The following MAPRE2 variants were observed in gnomAD, a reference collection of about 807,000 sequenced individuals.
MAPRE2 encodes the protein microtubule-associated protein RP/EB family member 2.
MAPRE2 carries 13 observed loss-of-function variants against 43.2 expected under a neutral mutation model. That is an observed-to-expected ratio of 0.30 (90% confidence interval 0.20 to 0.48). MAPRE2 has a LOEUF of 0.48. Ranked by LOEUF, MAPRE2 falls within the 20% of genes least tolerant of loss-of-function variation. The pLI, the probability that MAPRE2 is intolerant of heterozygous loss-of-function variation, is 0.99. For missense variants in MAPRE2, 161 were observed against 400.2 expected (o/e 0.40, Z 5.10); for synonymous variants, 135 against 148.8 (o/e 0.91, Z 0.68).
intron 2 of MAPRE2, among the ~76,000 whole-genome samples, chr18:35,019,572 T>G (rs1442150307): frequency 6.6e-6 from 1 of 152,054 alleles, no homozygotes; most frequent in African/African-American, 2.4e-5. Flanking sequence ...TTTTATTTTC[T>G]TCTTCTTTAC....
At chr18:35,118,584 C>T (rs1264876631) in intron 4 of MAPRE2, among the ~76,000 whole-genome samples, 1 of 152,204 alleles carries the variant, frequency 6.6e-6, no homozygotes, top group East Asian at 1.9e-4. Flanking sequence ...AAAATTACTG[C>T]AGTAGCCACC....
At position 34,985,362 on chromosome 18, in the gene MAPRE2, A is replaced by G. The variant is rs1568961728; in HGVS notation, c.-70+8283A>G. 1.7e-3 allele frequency among the ~76,000 whole-genome samples: 68 copies of G among 41,020 alleles called. 1 individual carries two copies. Among genetic ancestry groups the G allele is most frequent in the African/African-American group, 6.9e-3 (66 of 9,506 alleles). 26.9% of individuals were successfully genotyped at this position (41,020 alleles called of 152,430 possible). ...TAATATATTATATTATATATATAAT[A>G]TAATATATAATATATTATTTTATAT... is the stretch of plus-strand genomic sequence containing the variant. On this transcript the variant is annotated intron_variant, in intron 1 of 7. Transcript: ENST00000413393.
At chr18:35,015,103 T>G (rs2150584711) in intron 2 of MAPRE2, among the ~76,000 whole-genome samples, 1 of 152,246 alleles carries the variant, frequency 6.6e-6, no homozygotes, top group South Asian at 2.1e-4. Flanking sequence ...ACAAGAAATG[T>G]GTTTCCTCTA....
chr18:35,065,579 G>T (rs1023085169), intron 1 of MAPRE2, among the ~76,000 whole-genome samples: 7 of 150,580 alleles, frequency 4.6e-5, no homozygotes, highest in South Asian at 2.1e-4. Flanking sequence ...TTTTTGAGAC[G>T]GAGTTTCACT....
chr18:34,985,736 T>TATATTACATATGTAATATATAAA (rs2097020611), intron 1 of MAPRE2, among the ~76,000 whole-genome samples: 3 of 92,072 alleles, frequency 3.3e-5, no homozygotes, highest in Non-Finnish European at 7.3e-5. Flanking sequence ...AATATATAAA[T>TATATTACATATGTAATATATAAA]ATATATTATA....
intron 2 of MAPRE2, among the ~76,000 whole-genome samples, chr18:35,090,731 CA>C (rs56812109): frequency 0.85 from 94,008 of 110,290 alleles, 39,504 homozygotes; most frequent in East Asian, 0.96. Context: ...GATTCGGTCT[CA>C]AAAAAAAAAA....
chr18:35,036,996 G>A (rs954484466), upstream of MAPRE2, among the ~76,000 whole-genome samples: 11 of 152,178 alleles, frequency 7.2e-5, no homozygotes, highest in South Asian at 4.2e-4. Context: ...TGTACTTTTC[G>A]GACCTACTTC....
At chr18:34,994,454 G>A (rs941446164) in intron 1 of MAPRE2, among the ~76,000 whole-genome samples, 1 of 151,364 alleles carries the variant, frequency 6.6e-6, no homozygotes, top group Non-Finnish European at 1.5e-5. Flanking sequence ...GGTCAAACTG[G>A]GGCTGCCAAG....
At position 35,070,804 on chromosome 18, in the gene MAPRE2, T is replaced by G. The variant is rs973544750; in HGVS notation, c.250+482T>G. Among the ~76,000 whole-genome samples, 5 of 152,112 alleles carry G rather than the reference T, an allele frequency of 3.3e-5. No homozygotes were observed. In the East Asian group the frequency reaches 9.6e-4, roughly 29 times the overall value. ...ATACCTCAGACCCACAATATAATCT[T>G]TGTTCCCTAAAGACTCTTTCCCTTT... On this transcript the variant is annotated intron_variant, in intron 2 of 6. Transcript: ENST00000300249.
At chr18:35,087,582 A>G (rs901972176) in intron 2 of MAPRE2, among the ~76,000 whole-genome samples, 2 of 152,202 alleles carry the variant, frequency 1.3e-5, no homozygotes, top group Admixed American at 6.5e-5. Context: ...GTTTGGCAAC[A>G]TAAGAATTTT....
chr18:35,076,769 G>A (rs752302488), intron 2 of MAPRE2, among the ~76,000 whole-genome samples: 11 of 152,164 alleles, frequency 7.2e-5, no homozygotes, highest in East Asian at 3.9e-4. Flanking sequence ...CTAGGCATGC[G>A]TGTGGGATAT....
At chr18:35,133,038 G>A (rs772109290) in intron 6 of MAPRE2, among the ~76,000 whole-genome samples, 10 of 152,130 alleles carry the variant, frequency 6.6e-5, no homozygotes, top group Non-Finnish European at 5.9e-5. Flanking sequence ...GAAGTGTCCC[G>A]GTCTCTGGGT....
chr18:35,143,460 A>G lies in MAPRE2; in HGVS notation c.*3091A>G, dbSNP rs1224535401. 3.0e-4 allele frequency: 45 copies of G among 152,122 alleles called. No homozygotes were observed. The allele number at this position is 152,122 out of a possible 1,614,324, so 9.4% of individuals were successfully genotyped here. A position where few individuals can be genotyped will look rare whatever the true frequency, so the allele number is the denominator to read the frequency against. On this transcript the variant is annotated 3_prime_UTR_variant, in exon 7 of 7. Coordinates refer to ENST00000300249, the MANE Select transcript of MAPRE2 (RefSeq NM_014268.4). Reference sequence around the variant, plus strand: ...TTACATATTTAATAAAAAAAAAAGTATATGTTAAAATCTGCCTGGAGTTAC... The same window carrying G: ...TTACATATTTAATAAAAAAAAAAGTGTATGTTAAAATCTGCCTGGAGTTAC...
At position 35,132,104 on chromosome 18, in the gene MAPRE2, A is replaced by G. The variant is rs781424078; in HGVS notation, c.823A>G (p.Ile275Val). 3 of 1,614,200 alleles carry G rather than the reference A, an allele frequency of 1.9e-6. No individual in the cohort carries two copies. Among genetic ancestry groups the G allele is most frequent in the Non-Finnish European group, 2.5e-6 (3 of 1,180,030 alleles). Residue 275 changes from isoleucine to valine, a missense_variant, in exon 6 of 7, where the codon ATC becomes GTC. By Grantham distance (29) the Ile-to-Val change is conservative. Around this residue, in one of 2 missense-constraint regions of MAPRE2, gnomAD observed 96 missense variants for 153.3 expected, o/e 0.63. Coordinates refer to ENST00000300249, the MANE Select transcript of MAPRE2 (RefSeq NM_014268.4). ...RDFYFGKLREIELLCQEHGQE... is the reference protein window; with the variant it reads ...RDFYFGKLREVELLCQEHGQE... ...TTTCTACTTTGGGAAGTTGAGAGAG[A>G]TCGAGCTACTCTGCCAAGAACACGG... is the stretch of plus-strand genomic sequence containing the variant.
intron 2 of MAPRE2, among the ~76,000 whole-genome samples, chr18:35,089,170 G>A (rs900298751): frequency 2.0e-5 from 3 of 152,196 alleles, no homozygotes; most frequent in Admixed American, 1.3e-4. Context: ...CAGAGCACAA[G>A]TAGAGAGTTG....
chr18:35,020,531 A>C (rs978026203), intron 2 of MAPRE2, among the ~76,000 whole-genome samples: 1 of 145,676 alleles, frequency 6.9e-6, no homozygotes, highest in Non-Finnish European at 1.5e-5. Flanking sequence ...TAGCTTAGAG[A>C]AAAGCTTTCC....
chr18:34,988,977 T>C (rs2097022406), intron 1 of MAPRE2: 1 of 152,194 alleles, frequency 6.6e-6, no homozygotes. Flanking sequence ...CTTTTTATCT[T>C]ATCCAATCAT....
chr18:35,103,511 C>T (rs562207453), intron 4 of MAPRE2, among the ~76,000 whole-genome samples: 2 of 152,212 alleles, frequency 1.3e-5, no homozygotes, highest in South Asian at 2.1e-4. Flanking sequence ...TCTACATAGG[C>T]AATTTTTGTG....
chr18:35,052,993 A>G (rs1906023478), intron 1 of MAPRE2, among the ~76,000 whole-genome samples: 1 of 132,766 alleles, frequency 7.5e-6, no homozygotes, highest in South Asian at 2.9e-4. Flanking sequence ...TCTTAACTTG[A>G]ATATAAAGTC....
Sources: allele counts gnomAD v4.1 joint callset (sites outside exome capture counted in the v4.1 genomes callset), GRCh38; gene constraint gnomAD v4.1.1; regional missense constraint gnomAD v4.1.1; transcripts MANE v1.5; gene names NCBI Gene and HGNC (gene_info 2026-07-23, HGNC 2026-07-21).